Variants in MDFIC2 observed in about 807,000 individuals in gnomAD.
The protein encoded by MDFIC2 is MyoD family inhibitor domain containing 2, also known as myoD family inhibitor domain-containing protein 2.
intron 2 of MDFIC2, among the ~76,000 whole-genome samples, chr3:70,281,246 A>G (rs1702079575): frequency 6.6e-6 from 1 of 152,094 alleles, no homozygotes; most frequent in African/African-American, 2.4e-5. Flanking sequence ...TTCTGCATAA[A>G]TTTCTTCAAG....
At chr3:70,253,354 G>T (rs966991099) in intron 2 of MDFIC2, among the ~76,000 whole-genome samples, 9 of 152,142 alleles carry the variant, frequency 5.9e-5, no homozygotes, top group Admixed American at 5.9e-4. Context: ...CAAGGTGGGG[G>T]ATAAATGTGC....
chr3:70,302,024 T>C (rs896277901), intron 2 of MDFIC2, among the ~76,000 whole-genome samples: 1 of 152,128 alleles, frequency 6.6e-6, no homozygotes, highest in Non-Finnish European at 1.5e-5. Flanking sequence ...TGTGGAAATT[T>C]AGCTCAAGAA....
At chr3:70,263,315 A>T (rs1321620064) in intron 2 of MDFIC2, among the ~76,000 whole-genome samples, 4 of 152,116 alleles carry the variant, frequency 2.6e-5, no homozygotes, top group Non-Finnish European at 5.9e-5. Context: ...AGTGTATTTG[A>T]CTTTGTTCTA....
intron 2 of MDFIC2, among the ~76,000 whole-genome samples, chr3:70,259,637 G>A (rs554271479): frequency 1.3e-5 from 2 of 152,148 alleles, no homozygotes; most frequent in Non-Finnish European, 2.9e-5. Flanking sequence ...CACCCTGAAA[G>A]TCTGACGTGT....
chr3:70,264,953 G>A (rs1014750089), intron 2 of MDFIC2, among the ~76,000 whole-genome samples: 1 of 152,164 alleles, frequency 6.6e-6, no homozygotes, highest in African/African-American at 2.4e-5. Flanking sequence ...ATGGTGGAAG[G>A]TGAATGAGGA....
intron 2 of MDFIC2, among the ~76,000 whole-genome samples, chr3:70,307,025 A>G (rs1326406931): frequency 6.6e-6 from 1 of 152,158 alleles, no homozygotes; most frequent in Non-Finnish European, 1.5e-5. Context: ...ATAGAGAGAA[A>G]ATCTGTGCCA....
intron 2 of MDFIC2, among the ~76,000 whole-genome samples, chr3:70,303,400 T>C (rs1197158185): frequency 6.6e-6 from 1 of 152,076 alleles, no homozygotes; most frequent in Non-Finnish European, 1.5e-5. Flanking sequence ...AGGAGGAGAA[T>C]AGGAGGAAAA....
chr3:70,253,432 C>T (rs907530719), intron 2 of MDFIC2, among the ~76,000 whole-genome samples: 5 of 152,086 alleles, frequency 3.3e-5, no homozygotes, highest in Non-Finnish European at 5.9e-5. Context: ...TGGCTGCTTT[C>T]GGTGGGGCAC....
At chr3:70,249,252 G>A (rs942868454) in intron 2 of MDFIC2, 3 of 152,154 alleles carry the variant, frequency 2.0e-5, no homozygotes, top group Non-Finnish European at 4.4e-5. Flanking sequence ...GGTTTGAAGG[G>A]ACAGAACTGG....
intron 2 of MDFIC2, among the ~76,000 whole-genome samples, chr3:70,276,645 A>G (rs1485078061): frequency 3.3e-5 from 5 of 152,256 alleles, no homozygotes; most frequent in Non-Finnish European, 7.3e-5. Context: ...GTAGAGGTCG[A>G]TAAACTGTGA....
chr3:70,309,532 T>C (rs1702436940), intron 2 of MDFIC2, among the ~76,000 whole-genome samples: 2 of 152,198 alleles, frequency 1.3e-5, no homozygotes, highest in Non-Finnish European at 2.9e-5. Context: ...CTCAGGGAGA[T>C]AAAGTAACAT....
At chr3:70,261,671 T>C (rs999739203) in intron 2 of MDFIC2, among the ~76,000 whole-genome samples, 8 of 152,178 alleles carry the variant, frequency 5.3e-5, no homozygotes, top group Non-Finnish European at 1.2e-4. Context: ...ACTGGCCTTA[T>C]TTTGTTGAAA....
chr3:70,244,323 T>G (rs1260947181), intron 2 of MDFIC2, among the ~76,000 whole-genome samples: 1 of 152,318 alleles, frequency 6.6e-6, no homozygotes, highest in East Asian at 1.9e-4. Flanking sequence ...CTTTTTCATG[T>G]TTAACATTTT....
At chr3:70,283,837 A>G (rs537791574) in intron 2 of MDFIC2, 3 of 152,052 alleles carry the variant, frequency 2.0e-5, no homozygotes, top group African/African-American at 7.2e-5. Flanking sequence ...AACATCTGTT[A>G]AATCTGGATG....
At chr3:70,222,054 C>G (rs1032744716) in intron 2 of MDFIC2, among the ~76,000 whole-genome samples, 1 of 152,066 alleles carries the variant, frequency 6.6e-6, no homozygotes, top group African/African-American at 2.4e-5. Flanking sequence ...TAAATAACAA[C>G]AACAATATTA....
chr3:70,311,610 A>G (rs551983345), intron 2 of MDFIC2, among the ~76,000 whole-genome samples: 37 of 152,228 alleles, frequency 2.4e-4, no homozygotes, highest in Non-Finnish European at 4.9e-4. Context: ...CTCACAGATA[A>G]TATAAGTCTG....
Position 70,307,796 on chromosome 3 carries a change from A to G in MDFIC2, c.88+4090T>C, listed in dbSNP as rs376278300. On this transcript the variant is annotated intron_variant, in intron 2 of 3. Transcript: ENST00000567252. ...GGCCTCCAGTGACAACACAGAACCA[A>G]TGTCCACTACTTAACCTACAGTCAG... 1.1e-4 allele frequency among the ~76,000 whole-genome samples: 16 copies of G among 152,142 alleles called. No homozygotes were observed. In the South Asian group the frequency reaches 3.3e-3, roughly 31 times the overall value.
chr3:70,251,624 A>G (rs1310749896), intron 2 of MDFIC2, among the ~76,000 whole-genome samples: 1 of 152,164 alleles, frequency 6.6e-6, no homozygotes, highest in Non-Finnish European at 1.5e-5. Flanking sequence ...ACAGCAATAT[A>G]CCTGCAAATT....
At chr3:70,247,793 A>T (rs1158651885) in intron 2 of MDFIC2, among the ~76,000 whole-genome samples, 2 of 152,044 alleles carry the variant, frequency 1.3e-5, no homozygotes, top group African/African-American at 4.8e-5. Flanking sequence ...GGAAGATTCA[A>T]GGTTTCAAAC....
Sources: allele counts gnomAD v4.1 joint callset (sites outside exome capture counted in the v4.1 genomes callset), GRCh38; gene constraint gnomAD v4.1.1; transcripts MANE v1.5; gene names NCBI Gene and HGNC (gene_info 2026-07-23, HGNC 2026-07-21).